Variants in MIPEP observed in about 807,000 individuals in gnomAD.
MIPEP encodes mitochondrial intermediate peptidase.
In MIPEP, 79 loss-of-function variants were observed where a neutral mutation model predicts 90.3. The ratio of observed to expected loss-of-function variants is 0.87; its 90% CI spans 0.73 to 1.05. The LOEUF (loss-of-function observed/expected upper bound fraction) is 1.05. MIPEP is among the 50% of genes least tolerant of loss of function. The pLI is 0.00. For synonymous variants in MIPEP, 334 were observed against 315.8 expected, an observed-to-expected ratio of 1.06 and a Z score of -0.61; for missense variants, 940 against 905.6, an observed-to-expected ratio of 1.04 and a Z score of -0.49.
chr13:23,762,252 A>G (rs1186157100), intron 16 of MIPEP, among the ~76,000 whole-genome samples: 1 of 152,250 alleles, frequency 6.6e-6, no homozygotes, highest in Non-Finnish European at 1.5e-5. Flanking sequence ...TAAACAAAGT[A>G]TAATCCTTGC....
At chr13:23,818,514 G>C (rs1365746281) in intron 14 of MIPEP, among the ~76,000 whole-genome samples, 4 of 152,202 alleles carry the variant, frequency 2.6e-5, no homozygotes, top group African/African-American at 9.6e-5. Context: ...AAATTGGGCA[G>C]TCCCTGGAAC....
Position 23,741,824 on chromosome 13 carries a change from T to TA in MIPEP, c.2045-11380_2045-11379insT, listed in dbSNP as rs779258467. ...TGTACACCGAACCTAGAAAAAAAAT[T>TA]TAAAAAAAAAAAATAAAAGTTAAAA... On this transcript the variant is annotated intron_variant, in intron 18 of 18. Coordinates refer to ENST00000382172, the MANE Select transcript of MIPEP (RefSeq NM_005932.4). Among the ~76,000 whole-genome samples, 175 of 139,808 alleles carry TA rather than the reference T, an allele frequency of 1.3e-3. 1 individual carries two copies. In the Middle Eastern group the frequency reaches 0.019, roughly 15 times the overall value. 91.7% of individuals were successfully genotyped at this position (139,808 alleles called of 152,430 possible).
intron 16 of MIPEP, among the ~76,000 whole-genome samples, chr13:23,790,689 T>C (rs973240067): frequency 2.0e-5 from 3 of 152,176 alleles, no homozygotes; most frequent in Non-Finnish European, 4.4e-5. Flanking sequence ...AGGGACTGGA[T>C]GCTCTTAGGG....
intron 13 of MIPEP, among the ~76,000 whole-genome samples, 164 bp from the exon 14 acceptor site, chr13:23,836,513 A>G (rs1869057014): frequency 6.6e-6 from 1 of 152,220 alleles, no homozygotes. Flanking sequence ...ATTTGCAGAA[A>G]AGTTTATTAT....
intron 14 of MIPEP, among the ~76,000 whole-genome samples, chr13:23,820,175 G>A (rs1953289085): frequency 6.6e-6 from 1 of 152,194 alleles, no homozygotes; most frequent in African/African-American, 2.4e-5. Flanking sequence ...GAATCCAGTT[G>A]AGTGAAGTTA....
In MIPEP at chr13:23,730,353, C is replaced by T. The variant is rs745535699; in HGVS notation, c.2137G>A (p.Glu713Lys). The change falls in exon 19 of 19, where the codon GAA becomes AAA. Residue 713 changes from glutamate (E) to lysine (K), a missense_variant. Transcript: ENST00000382172. ...LDFETFLMDS[E>K] Reference sequence around the variant, plus strand: ...AGAGGTGTAGAGTGTTTCTTTTATTCAGAATCCATGAGGAAAGTTTCGAAG... The same window carrying T: ...AGAGGTGTAGAGTGTTTCTTTTATTTAGAATCCATGAGGAAAGTTTCGAAG... 1.2e-5 allele frequency: 20 copies of T among 1,606,674 alleles called. No individual in the cohort carries two copies. In the South Asian group the frequency reaches 1.9e-4, roughly 15 times the overall value.
At chr13:23,752,481 C>A (rs1395573406) in intron 18 of MIPEP, among the ~76,000 whole-genome samples, 1 of 152,130 alleles carries the variant, frequency 6.6e-6, no homozygotes, top group Non-Finnish European at 1.5e-5. Context: ...GAAACTGAAC[C>A]TTAGATCATG....
chr13:23,775,788 C>G (rs2138539179), intron 16 of MIPEP, among the ~76,000 whole-genome samples: 1 of 152,174 alleles, frequency 6.6e-6, no homozygotes, highest in South Asian at 2.1e-4. Flanking sequence ...AAGAATAAAG[C>G]AAAAACACAG....
At chr13:23,874,768 A>G in intron 5 of MIPEP, 78 bp downstream of exon 5, 2 of 1,238,152 alleles carry the variant, frequency 1.6e-6, no homozygotes, top group East Asian at 2.5e-5. Flanking sequence ...AGCAATATAT[A>G]CAAGGACTGT....
At chr13:23,753,235 AAAAAAT>A (rs1260966954) in intron 18 of MIPEP, among the ~76,000 whole-genome samples, 1 of 148,268 alleles carries the variant, frequency 6.7e-6, no homozygotes, top group African/African-American at 2.5e-5. Flanking sequence ...AAAAAAAAAA[AAAAAAT>A]AATAATAATA....
chr13:23,772,826 A>C (rs918971786), intron 16 of MIPEP, among the ~76,000 whole-genome samples: 10 of 152,176 alleles, frequency 6.6e-5, no homozygotes, highest in African/African-American at 2.2e-4. Context: ...GGAGGCATTG[A>C]GTGTGGCCCA....
chr13:23,861,749 A>T (rs1281693763), intron 9 of MIPEP, among the ~76,000 whole-genome samples: 1 of 152,158 alleles, frequency 6.6e-6, no homozygotes, highest in African/African-American at 2.4e-5. Flanking sequence ...GCACTCCCCC[A>T]ATCACCTGGG....
intron 14 of MIPEP, among the ~76,000 whole-genome samples, chr13:23,811,239 A>C (rs1175941092): frequency 1.3e-5 from 2 of 152,180 alleles, no homozygotes; most frequent in Non-Finnish European, 2.9e-5. Context: ...ATGCTTCACC[A>C]AGTTTTAATA....
intron 18 of MIPEP, among the ~76,000 whole-genome samples, chr13:23,732,344 T>A (rs2138474857): frequency 6.6e-6 from 1 of 152,280 alleles, no homozygotes. Context: ...GGTGAAAGGA[T>A]AAAATGATAC....
At chr13:23,823,307 A>G (rs1953330900) in intron 14 of MIPEP, among the ~76,000 whole-genome samples, 1 of 152,176 alleles carries the variant, frequency 6.6e-6, no homozygotes, top group East Asian at 1.9e-4. Context: ...ATGAGGATAA[A>G]AATACCTCTG....
At chr13:23,783,029 A>G (rs1177624596) in intron 16 of MIPEP, among the ~76,000 whole-genome samples, 1 of 152,206 alleles carries the variant, frequency 6.6e-6, no homozygotes, top group Non-Finnish European at 1.5e-5. Flanking sequence ...CCAGAGGTAC[A>G]AGGAGGAGCT....
At chr13:23,861,287 A>C (rs9652080) in intron 9 of MIPEP, among the ~76,000 whole-genome samples, 80,954 of 152,044 alleles carry the variant, frequency 0.53, 21,771 homozygotes, top group South Asian at 0.72. Flanking sequence ...ACTTTTACTG[A>C]ATTAGCTTTT....
chr13:23,879,431 T>A lies in MIPEP; in HGVS notation c.453-77A>T. On this transcript the variant is annotated intron_variant, in intron 3 of 18. Coordinates refer to ENST00000382172, the MANE Select transcript of MIPEP (RefSeq NM_005932.4). ...TTAACTTTACATGAAAAGAATGGTG[T>A]CAGCTTGTACCACACACATGCCCAG... 5.1e-6 allele frequency: 4 copies of A among 789,816 alleles called. No individual in the cohort carries two copies. The South Asian group carries it at 6.5e-5, about 13-fold the overall frequency. The allele number at this position is 789,816 out of a possible 1,614,324, so 48.9% of individuals were successfully genotyped here. A position where few individuals can be genotyped will look rare whatever the true frequency, so the allele number is the denominator to read the frequency against.
intron 10 of MIPEP, among the ~76,000 whole-genome samples, chr13:23,855,171 A>C (rs183477723): frequency 6.6e-6 from 1 of 152,294 alleles, no homozygotes; most frequent in Admixed American, 6.5e-5. Flanking sequence ...TTTCAAATAA[A>C]ATAATTTATT....
Sources: gnomAD v4.1 joint callset for allele counts (sites outside exome capture counted in the v4.1 genomes callset) on GRCh38, gnomAD v4.1.1 for gene constraint, MANE v1.5 for transcripts, NCBI Gene and HGNC (gene_info 2026-07-23, HGNC 2026-07-21) for gene names.